MPRIP: variants seen among roughly 807,000 people sequenced by gnomAD.
MPRIP encodes the protein myosin phosphatase Rho interacting protein, also known as myosin phosphatase Rho-interacting protein.
A neutral mutation model predicts 234.9 loss-of-function variants in MPRIP; 59 were observed. The observed-to-expected ratio is 0.25, with a 90% confidence interval of 0.20 to 0.31. The LOEUF (loss-of-function observed/expected upper bound fraction) is 0.31, where lower values mean the gene tolerates loss of function less well. MPRIP is among the 10% of genes least tolerant of loss of function. MPRIP has a pLI of 1.00. For missense variants in MPRIP, 2,436 were observed against 3,071.0 expected (o/e 0.79, Z 4.89); for synonymous variants, 1,144 against 1,263.9 (o/e 0.91, Z 2.01).
chr17:17,152,338 G>T lies in MPRIP; in HGVS notation c.1720-1968G>T, dbSNP rs1010760802. On this transcript the variant is annotated intron_variant, in intron 12 of 23. Coordinates refer to ENST00000651222, the MANE Select transcript of MPRIP (RefSeq NM_001364716.4). Reference sequence around the variant, plus strand: ...CCATCTTCATGAGCAGCTTTCTCCAGGCAGGGCACACCTGAAGTCTGAGAA... The same window carrying T: ...CCATCTTCATGAGCAGCTTTCTCCATGCAGGGCACACCTGAAGTCTGAGAA... Among the ~76,000 whole-genome samples, 7 of 152,260 alleles carry T rather than the reference G, an allele frequency of 4.6e-5. No individual in the cohort carries two copies. In the South Asian group the frequency reaches 1.5e-3, roughly 32 times the overall value.
chr17:17,177,483 C>G, intron 22 of MPRIP, 71 bp downstream of exon 22: 1 of 1,516,268 alleles, frequency 6.6e-7, no homozygotes, highest in Non-Finnish European at 9.0e-7. Flanking sequence ...AGAGGTTTCC[C>G]GGTGCTTGAC....
At chr17:17,180,181 A>G in intron 23 of MPRIP, 93 bp downstream of exon 23, 2 of 1,063,524 alleles carry the variant, frequency 1.9e-6, no homozygotes, top group Non-Finnish European at 2.7e-6. Context: ...CATGGGCCAC[A>G]GCTGCCAAAG....
intron 2 of MPRIP, 139 bp from the exon 3 acceptor site, chr17:17,077,872 C>G: frequency 6.2e-6 from 5 of 807,882 alleles, no homozygotes; most frequent in Non-Finnish European, 1.0e-5. Flanking sequence ...TCCCTCTTTT[C>G]CTGCCACCTG....
intron 13 of MPRIP, among the ~76,000 whole-genome samples, chr17:17,154,983 A>T (rs1173492289): frequency 6.6e-6 from 1 of 152,220 alleles, no homozygotes; most frequent in Non-Finnish European, 1.5e-5. Flanking sequence ...ATTTTAAAAG[A>T]TGGAGAATCA....
intron 4 of MPRIP, 118 bp downstream of exon 4, chr17:17,126,971 C>A: frequency 7.9e-7 from 1 of 1,269,412 alleles, no homozygotes; most frequent in Non-Finnish European, 1.1e-6. Context: ...TGCCTCTATT[C>A]TTGGGCTCTG....
rs1320670320 is a variant in MPRIP, at chr17:17,166,365, C to T, written c.4774C>T (p.Arg1592Ter). ...GAAGAACACAACATCAGATGTCTCC[C>T]GAATGCTCCATGAGATTTCTTGGTC... ...SLKNTTSDVS[R>*]MLHEISWSGQ... The change falls in exon 16 of 24, where the codon CGA becomes TGA. Residue 1592 changes from arginine (R) to a stop codon, truncating the protein, a stop_gained. Coordinates refer to ENST00000651222, the MANE Select transcript of MPRIP (RefSeq NM_001364716.4). LOFTEE classifies it high-confidence loss of function. This position sits in a 1 kb window ranked among gnomAD's most constrained non-coding sequence, Gnocchi z 4.4. The T allele has an allele frequency of 3.1e-6, 4 of 1,304,456 alleles. No individual in the cohort carries two copies. Among genetic ancestry groups the T allele is most frequent in the South Asian group, 1.2e-5 (1 of 81,038 alleles). The allele number at this position is 1,304,456 out of a possible 1,614,324, so 80.8% of individuals were successfully genotyped here. A position where few individuals can be genotyped will look rare whatever the true frequency, so the allele number is the denominator to read the frequency against.
Position 17,158,735 on chromosome 17 carries a change from C to G in MPRIP, c.2133C>G (p.Arg711=). Residue 711 remains arginine, a synonymous_variant, in exon 14 of 24, where the codon CGC becomes CGG. Transcript: ENST00000651222. ...GTGCACGGAGGCGGGAGGAGCGCCG[C>G]AAGCGCTTCGGGATGCTCGACGCCA... is the stretch of plus-strand genomic sequence containing the variant. The part of the protein sequence containing the change: ...RERARRREER[R]KRFGMLDATD... 6.2e-7 allele frequency: 1 copy of G among 1,610,994 alleles called. No individual in the cohort carries two copies. Among genetic ancestry groups the G allele is most frequent in the Admixed American group, 1.7e-5 (1 of 59,998 alleles).
At chr17:17,142,915 A>G in intron 8 of MPRIP, 150 bp downstream of exon 8, 1 of 830,598 alleles carries the variant, frequency 1.2e-6, no homozygotes, top group East Asian at 2.7e-5. Context: ...ACTTCTTGAG[A>G]GCAGGCCTGT....
In MPRIP at chr17:17,150,138, C is replaced by T. The variant is rs752109740; in HGVS notation, c.1630-6C>T. Reference sequence around the variant, plus strand: ...AATCTCAAGACATTCTCACTTCCCTCGGCAGGCAGCCGACTTGGATGGAGA... The same window carrying T: ...AATCTCAAGACATTCTCACTTCCCTTGGCAGGCAGCCGACTTGGATGGAGA... On this transcript the variant is annotated splice_region_variant and splice_polypyrimidine_tract_variant and intron_variant, in intron 11 of 23. Coordinates refer to ENST00000651222, the MANE Select transcript of MPRIP (RefSeq NM_001364716.4). 3.5e-5 allele frequency: 57 copies of T among 1,612,070 alleles called. No individual in the cohort carries two copies. Among genetic ancestry groups the T allele is most frequent in the African/African-American group, 9.3e-5 (7 of 74,882 alleles).
Position 17,138,082 on chromosome 17 carries a change from T to C in MPRIP, c.903T>C (p.Ser301=). The part of the protein sequence containing the change: ...PSPSTPNHRY[S]CPESPSQELG... Reference sequence around the variant, plus strand: ...CCAGCACCCCCAACCACAGGTACAGTTGCCCCGAGTCGCCCTCCCAGGAGC... The same window carrying C: ...CCAGCACCCCCAACCACAGGTACAGCTGCCCCGAGTCGCCCTCCCAGGAGC... Residue 301 remains serine, a synonymous_variant, in exon 7 of 24, where the codon AGT becomes AGC. Coordinates refer to ENST00000651222, the MANE Select transcript of MPRIP (RefSeq NM_001364716.4). The surrounding 1 kb of genome is among the most constrained non-coding windows in gnomAD (Gnocchi z 5.8). 1 of 1,572,266 alleles carries C rather than the reference T, an allele frequency of 6.4e-7. No individual in the cohort carries two copies. The highest frequency in any genetic ancestry group is 8.6e-7 in the Non-Finnish European group (1 of 1,159,682).
In MPRIP at chr17:17,190,284, G is replaced by A. The variant is rs1298461445; in HGVS notation, c.*5390G>A. 6.6e-6 allele frequency: 1 copy of A among 152,260 alleles called. No individual in the cohort carries two copies. The highest frequency in any genetic ancestry group is 6.5e-5 in the Admixed American group (1 of 15,288). The allele number at this position is 152,260 out of a possible 1,614,324, so 9.4% of individuals were successfully genotyped here. A position where few individuals can be genotyped will look rare whatever the true frequency, so the allele number is the denominator to read the frequency against. Reference sequence around the variant, plus strand: ...TGTTCTCAATGCCAAGCAACAGAACGTTCTGAGATGGCCGTTCTTCCTTGC... The same window carrying A: ...TGTTCTCAATGCCAAGCAACAGAACATTCTGAGATGGCCGTTCTTCCTTGC... On this transcript the variant is annotated 3_prime_UTR_variant, in exon 24 of 24. Transcript: ENST00000651222.
rs1297323756 is a variant in MPRIP, at chr17:17,147,383, A to AGGAGGTGAGTGTCTG, written c.1628_1629+13dup. 3.1e-6 allele frequency: 5 copies of AGGAGGTGAGTGTCTG among 1,613,966 alleles called. No homozygotes were observed. In the African/African-American group the frequency reaches 6.7e-5, roughly 22 times the overall value. ...AGATACTACAGGGATTCAGTGGCTGAGGAGGTGAGTGTCTGGGCTTTGCCT... is the reference window on the plus strand; with the variant it reads ...AGATACTACAGGGATTCAGTGGCTGAGGAGGTGAGTGTCTGGGAGGTGAGTGTCTGGGCTTTGCCT... On this transcript the variant is annotated inframe_insertion, in exon 11 of 24. Coordinates refer to ENST00000651222, the MANE Select transcript of MPRIP (RefSeq NM_001364716.4).
chr17:17,092,045 G>A (rs546133608), intron 3 of MPRIP, among the ~76,000 whole-genome samples: 2 of 152,324 alleles, frequency 1.3e-5, no homozygotes, highest in South Asian at 4.1e-4. Flanking sequence ...GTCAGGCCAG[G>A]GCCCTCTGTG....
chr17:17,144,259 G>T (rs745579766), intron 9 of MPRIP, among the ~76,000 whole-genome samples: 1 of 152,222 alleles, frequency 6.6e-6, no homozygotes, highest in African/African-American at 2.4e-5. Flanking sequence ...CCTCCTTGCT[G>T]CCTGCACAGC....
chr17:17,125,233 G>A (rs2090468625), intron 3 of MPRIP, among the ~76,000 whole-genome samples: 1 of 152,226 alleles, frequency 6.6e-6, no homozygotes, highest in South Asian at 2.1e-4. Context: ...TCCCCCCAGG[G>A]TCAGTGTTGA....
In MPRIP at chr17:17,078,961, C is replaced by T. The variant is rs995385407; in HGVS notation, c.267+885C>T. 6.6e-6 allele frequency among the ~76,000 whole-genome samples: 1 copy of T among 152,222 alleles called. No homozygotes were observed. The highest frequency in any genetic ancestry group is 1.9e-4 in the East Asian group (1 of 5,176). On this transcript the variant is annotated intron_variant, in intron 3 of 23. Transcript: ENST00000651222. This position sits in a 1 kb window ranked among gnomAD's most constrained non-coding sequence, Gnocchi z 4.3. ...GTCTCACTATGTAAAATAGGCAGCC[C>T]CTGCCTATCCTACCCAGAGTTTGTT... is the stretch of plus-strand genomic sequence containing the variant.
intron 1 of MPRIP, among the ~76,000 whole-genome samples, chr17:17,054,344 T>C (rs1478228763): frequency 6.6e-6 from 1 of 152,242 alleles, no homozygotes; most frequent in Non-Finnish European, 1.5e-5. Context: ...TAGTTTATTG[T>C]CATGTGTTTG....
intron 1 of MPRIP, among the ~76,000 whole-genome samples, chr17:17,058,573 A>G (rs906488084): frequency 1.3e-5 from 2 of 151,888 alleles, no homozygotes; most frequent in Non-Finnish European, 2.9e-5. Flanking sequence ...GTGGGGACCC[A>G]GGGAGGGCTC....
In MPRIP at chr17:17,100,431, G is replaced by GGTGT. The variant is rs143235971; in HGVS notation, c.267+22368_267+22371dup. The stretch of plus-strand genomic sequence containing the variant: ...CACTTTGTCAGAAAATACATGAATT[G>GGTGT]GTGTGTGTGTGTGTGTATTTCAGTT... On this transcript the variant is annotated intron_variant, in intron 3 of 23. Coordinates refer to ENST00000651222, the MANE Select transcript of MPRIP (RefSeq NM_001364716.4). Among the ~76,000 whole-genome samples the GGTGT allele has an allele frequency of 5.9e-5, 9 of 151,720 alleles. No homozygotes were observed. The East Asian group carries it at 9.7e-4, about 16-fold the overall frequency.
Sources: gnomAD v4.1 joint callset for allele counts (sites outside exome capture counted in the v4.1 genomes callset) on GRCh38, gnomAD v4.1.1 for gene constraint, Gnocchi (gnomAD v3.1) non-coding constraint, MANE v1.5 for transcripts, NCBI Gene and HGNC (gene_info 2026-07-23, HGNC 2026-07-21) for gene names.